Variants in NAALADL2 observed in about 807,000 individuals in gnomAD.
The protein encoded by NAALADL2 is inactive N-acetylated-alpha-linked acidic dipeptidase-like protein 2.
Under a neutral mutation model 87.2 loss-of-function variants are expected in NAALADL2, and 76 were observed. The ratio of observed to expected loss-of-function variants is 0.87; its 90% CI spans 0.72 to 1.05. The LOEUF (loss-of-function observed/expected upper bound fraction) is 1.05. Among genes scored for constraint, NAALADL2 ranks in the 50% least tolerant of loss-of-function variants. NAALADL2 has a pLI of 0.00. For missense variants in NAALADL2, 1,089 were observed against 945.8 expected (o/e 1.15, Z -1.99); for synonymous variants, 354 against 331.0 (o/e 1.07, Z -0.75).
chr3:174,553,548 A>G (rs1212033213), intron 2 of NAALADL2, among the ~76,000 whole-genome samples: 1 of 152,200 alleles, frequency 6.6e-6, no homozygotes, highest in East Asian at 1.9e-4. Context: ...TGCGTTCATT[A>G]AATTTAGACA....
intron 11 of NAALADL2, among the ~76,000 whole-genome samples, chr3:175,666,254 C>T (rs1417756605): frequency 6.6e-6 from 1 of 151,972 alleles, no homozygotes; most frequent in African/African-American, 2.4e-5. Context: ...AGTATAACTT[C>T]CCTGATTTTA....
chr3:175,022,090 C>T (rs1201284194), intron 1 of NAALADL2, among the ~76,000 whole-genome samples: 4 of 152,000 alleles, frequency 2.6e-5, no homozygotes, highest in Admixed American at 2.0e-4. Context: ...TGCCACGTGA[C>T]ACACCTACTC....
intron 4 of NAALADL2, among the ~76,000 whole-genome samples, chr3:175,318,200 C>A (rs1174194915): frequency 1.3e-5 from 2 of 151,916 alleles, no homozygotes; most frequent in African/African-American, 4.8e-5. Flanking sequence ...TATTTATCAA[C>A]AGACAAATGT....
intron 2 of NAALADL2, among the ~76,000 whole-genome samples, chr3:174,608,822 C>G (rs1228899392): frequency 3.3e-5 from 5 of 151,132 alleles, no homozygotes; most frequent in Non-Finnish European, 7.4e-5. Context: ...ATGAGGCCAG[C>G]ATCATCCTGA....
chr3:174,728,028 C>T (rs1394501535), intron 2 of NAALADL2, among the ~76,000 whole-genome samples: 1 of 152,012 alleles, frequency 6.6e-6, no homozygotes, highest in Non-Finnish European at 1.5e-5. Flanking sequence ...AAGGCTCATT[C>T]ATGTCTTTTT....
intron 9 of NAALADL2, among the ~76,000 whole-genome samples, chr3:175,500,090 T>C (rs184182637): frequency 6.6e-6 from 1 of 152,218 alleles, no homozygotes; most frequent in East Asian, 1.9e-4. Flanking sequence ...GACTACCCCA[T>C]GCATGACCCT....
At chr3:174,633,331 T>G (rs1444468125) in intron 2 of NAALADL2, among the ~76,000 whole-genome samples, 1 of 152,224 alleles carries the variant, frequency 6.6e-6, no homozygotes, top group Non-Finnish European at 1.5e-5. Context: ...TGATAAAGCC[T>G]TTATGTTTTT....
intron 5 of NAALADL2, among the ~76,000 whole-genome samples, chr3:175,382,816 G>T (rs919345131): frequency 6.6e-6 from 1 of 151,518 alleles, no homozygotes; most frequent in Non-Finnish European, 1.5e-5. Context: ...CCTTACCTGG[G>T]GGGAACTCGA....
intron 2 of NAALADL2, among the ~76,000 whole-genome samples, chr3:174,572,856 C>A (rs1715091643): frequency 6.6e-6 from 1 of 152,128 alleles, no homozygotes; most frequent in Admixed American, 6.6e-5. Context: ...ATGCAAGGAA[C>A]TTTTCTGTGT....
chr3:175,217,188 A>C lies in NAALADL2; in HGVS notation c.546-16743A>C, dbSNP rs73045208. On this transcript the variant is annotated intron_variant, in intron 2 of 13. Transcript: ENST00000454872. ...TTTATTTTTGGTTATGTATGCAATG[A>C]GTATACCCCAGCTAGGCACATATGG... 1.4e-3 allele frequency among the ~76,000 whole-genome samples: 219 copies of C among 152,312 alleles called. 2 individuals carry two copies. Among genetic ancestry groups the C allele is most frequent in the African/African-American group, 5.0e-3 (208 of 41,580 alleles).
At chr3:174,602,546 A>G (rs1718560291) in intron 2 of NAALADL2, among the ~76,000 whole-genome samples, 1 of 152,016 alleles carries the variant, frequency 6.6e-6, no homozygotes, top group South Asian at 2.1e-4. Flanking sequence ...ATAGGATAAT[A>G]TAATTTGAAA....
intron 2 of NAALADL2, among the ~76,000 whole-genome samples, chr3:174,671,929 G>GATGATGA (rs1553815738): frequency 6.7e-6 from 1 of 150,356 alleles, no homozygotes; most frequent in South Asian, 2.1e-4. Flanking sequence ...GTTAACTACT[G>GATGATGA]TGATGATGAT....
At chr3:175,138,538 A>G (rs1385654017) in intron 2 of NAALADL2, among the ~76,000 whole-genome samples, 1 of 151,868 alleles carries the variant, frequency 6.6e-6, no homozygotes, top group African/African-American at 2.4e-5. Context: ...GTCAGTAATG[A>G]TGAGATTTTT....
intron 1 of NAALADL2, among the ~76,000 whole-genome samples, chr3:175,089,414 A>G (rs907273000): frequency 2.0e-5 from 3 of 152,338 alleles, no homozygotes; most frequent in African/African-American, 7.2e-5. Flanking sequence ...TTAACATGCC[A>G]GCTCTTCTAC....
chr3:174,876,836 A>G (rs565922655), intron 1 of NAALADL2, among the ~76,000 whole-genome samples: 4 of 152,258 alleles, frequency 2.6e-5, no homozygotes, highest in African/African-American at 4.8e-5. Flanking sequence ...ACAAAATACC[A>G]TAGATTAGAT....
intron 9 of NAALADL2, among the ~76,000 whole-genome samples, chr3:175,571,446 A>T (rs1718066678): frequency 6.6e-6 from 1 of 152,194 alleles, no homozygotes; most frequent in Admixed American, 6.5e-5. Flanking sequence ...AAATTAATTG[A>T]CCTGCACAAA....
chr3:175,781,979 G>C (rs1208254477), intron 13 of NAALADL2, among the ~76,000 whole-genome samples: 2 of 150,850 alleles, frequency 1.3e-5, no homozygotes, highest in African/African-American at 2.4e-5. Context: ...TCTTGCTATA[G>C]TTTACTGAGA....
chr3:175,649,407 GAAAA>G lies in NAALADL2; in HGVS notation c.1896+22036_1896+22039del, dbSNP rs547293804. On this transcript the variant is annotated intron_variant, in intron 11 of 13. Coordinates refer to ENST00000454872, the MANE Select transcript of NAALADL2 (RefSeq NM_207015.3). ...TCTTAACTGTCCCATAAGTGTCTCT[GAAAA>G]AAAAAAAAAAAAAATTGTTGGCATG... Among the ~76,000 whole-genome samples, 113 of 128,888 alleles carry G rather than the reference GAAAA, an allele frequency of 8.8e-4. 1 individual carries two copies. The highest frequency in any genetic ancestry group is 2.7e-3 in the African/African-American group (103 of 37,668). 84.6% of individuals were successfully genotyped at this position (128,888 alleles called of 152,430 possible). A position where few individuals can be genotyped will look rare whatever the true frequency, so the allele number is the denominator to read the frequency against.
At chr3:174,682,820 GTAT>G (rs1220848418) in intron 2 of NAALADL2, among the ~76,000 whole-genome samples, 1 of 152,168 alleles carries the variant, frequency 6.6e-6, no homozygotes, top group Admixed American at 6.5e-5. Context: ...GAAGACTATA[GTAT>G]TAATGAATAC....
Sources: allele counts gnomAD v4.1 joint callset (sites outside exome capture counted in the v4.1 genomes callset), GRCh38; gene constraint gnomAD v4.1.1; transcripts MANE v1.5; gene names NCBI Gene and HGNC (gene_info 2026-07-23, HGNC 2026-07-21).